The following RPS6KA5 variants were observed in gnomAD, a reference collection of about 807,000 sequenced individuals.
The protein encoded by RPS6KA5 is ribosomal protein S6 kinase alpha-5.
A neutral mutation model predicts 85.5 loss-of-function variants in RPS6KA5; 27 were observed. That is an observed-to-expected ratio of 0.32 (90% CI 0.23 to 0.44). RPS6KA5 has a LOEUF of 0.44. Ranked by LOEUF, RPS6KA5 falls within the 20% of genes least tolerant of loss-of-function variation. The pLI, the probability that RPS6KA5 is intolerant of heterozygous loss-of-function variation, is 1.00. For missense variants in RPS6KA5, 811 were observed against 980.9 expected, an observed-to-expected ratio of 0.83 and a Z score of 2.31; for synonymous variants, 334 against 348.2, an observed-to-expected ratio of 0.96 and a Z score of 0.46.
intron 2 of RPS6KA5, among the ~76,000 whole-genome samples, chr14:90,982,394 T>C (rs978106791): frequency 3.3e-5 from 5 of 152,106 alleles, no homozygotes; most frequent in African/African-American, 1.2e-4. Context: ...GCTAGAAGTT[T>C]GAGACAGCAG....
In RPS6KA5 at chr14:90,854,433, C is replaced by T. The variant is rs1456601873; in HGVS notation, c.*17641G>A. The T allele has an allele frequency of 2.0e-5, 3 of 152,056 alleles. No homozygotes were observed. 9.4% of individuals were successfully genotyped at this position (152,056 alleles called of 1,614,324 possible). A position where few individuals can be genotyped will look rare whatever the true frequency, so the allele number is the denominator to read the frequency against. On this transcript the variant is annotated 3_prime_UTR_variant, in exon 17 of 17. Coordinates refer to ENST00000614987, the MANE Select transcript of RPS6KA5 (RefSeq NM_004755.4). The stretch of plus-strand genomic sequence containing the variant: ...TCACAAATTTTTATTTTAGATTTCA[C>T]AATGTACACTTGTCTCAAGTAAGTC...
At chr14:90,966,457 T>C (rs1172956700) in intron 3 of RPS6KA5, among the ~76,000 whole-genome samples, 1 of 152,214 alleles carries the variant, frequency 6.6e-6, no homozygotes, top group Middle Eastern at 3.4e-3. Flanking sequence ...GATGTTTGAG[T>C]AGGGGGAAGA....
chr14:91,021,504 G>A (rs2041781672), intron 1 of RPS6KA5, among the ~76,000 whole-genome samples: 1 of 152,084 alleles, frequency 6.6e-6, no homozygotes, highest in Non-Finnish European at 1.5e-5. Flanking sequence ...AGCCAGGCAT[G>A]GTGGTTCTCG....
rs760013651 is a variant in RPS6KA5, at chr14:91,021,842, A to G, written c.104-20683T>C. On this transcript the variant is annotated intron_variant, in intron 1 of 16. Transcript: ENST00000614987. ...TTTTCTTTCTCTCTTTCTATTTTTGAGAACTTCATTTGTTCTCTTACAAGT... is the reference window on the plus strand; with the variant it reads ...TTTTCTTTCTCTCTTTCTATTTTTGGGAACTTCATTTGTTCTCTTACAAGT... Among the ~76,000 whole-genome samples the G allele has an allele frequency of 1.8e-4, 28 of 151,980 alleles. 1 individual carries two copies. The highest frequency in any genetic ancestry group is 3.1e-4 in the Non-Finnish European group (21 of 67,996).
chr14:90,911,758 A>G (rs895101284), intron 7 of RPS6KA5, among the ~76,000 whole-genome samples: 3 of 152,272 alleles, frequency 2.0e-5, no homozygotes, highest in African/African-American at 7.2e-5. Flanking sequence ...ACAACATTAT[A>G]CAAGTAAAAA....
chr14:90,887,795 TAA>T (rs34873992), intron 14 of RPS6KA5, among the ~76,000 whole-genome samples: 4 of 139,748 alleles, frequency 2.9e-5, no homozygotes, highest in Admixed American at 7.2e-5. Context: ...CTTTTCTATT[TAA>T]AAAAAAAAAA....
chr14:90,887,578 A>G (rs540156791), intron 14 of RPS6KA5, among the ~76,000 whole-genome samples: 1 of 152,230 alleles, frequency 6.6e-6, no homozygotes, highest in Admixed American at 6.5e-5. Flanking sequence ...CATCTAATCA[A>G]TATTCAAATT....
chr14:90,964,946 AAAACAAAC>A (rs10603150), intron 3 of RPS6KA5, among the ~76,000 whole-genome samples: 15 of 149,348 alleles, frequency 1.0e-4, no homozygotes, highest in Non-Finnish European at 1.9e-4. Flanking sequence ...CCAAAAAACC[AAAACAAAC>A]AAACAAACAA....
chr14:90,942,767 T>C (rs2037641215), intron 5 of RPS6KA5, among the ~76,000 whole-genome samples: 1 of 152,340 alleles, frequency 6.6e-6, no homozygotes, highest in South Asian at 2.1e-4. Flanking sequence ...ATAATTCTCC[T>C]GAAGGGCCAA....
chr14:90,904,712 T>C (rs924757571), intron 8 of RPS6KA5, among the ~76,000 whole-genome samples: 1 of 152,158 alleles, frequency 6.6e-6, no homozygotes, highest in South Asian at 2.1e-4. Flanking sequence ...CTCCGCTCCA[T>C]TTATAGAGAA....
At chr14:90,917,663 T>A (rs1279673774) in intron 7 of RPS6KA5, among the ~76,000 whole-genome samples, 1 of 152,228 alleles carries the variant, frequency 6.6e-6, no homozygotes, top group Non-Finnish European at 1.5e-5. Context: ...ATTCTATATT[T>A]TCTCGCTTCT....
chr14:90,901,909 C>T (rs191875807), intron 9 of RPS6KA5, among the ~76,000 whole-genome samples: 53 of 152,240 alleles, frequency 3.5e-4, no homozygotes, highest in African/African-American at 1.2e-3. Flanking sequence ...TTGAGGGGCA[C>T]GGTGGCTCAT....
intron 5 of RPS6KA5, among the ~76,000 whole-genome samples, chr14:90,930,885 A>G (rs28884587): frequency 0.013 from 2,010 of 152,340 alleles, 57 homozygotes; most frequent in African/African-American, 0.046. Flanking sequence ...AAACACCAAC[A>G]TAACAAGTGT....
intron 14 of RPS6KA5, among the ~76,000 whole-genome samples, chr14:90,886,071 T>C (rs756193829): frequency 5.9e-5 from 9 of 151,994 alleles, no homozygotes; most frequent in Admixed American, 2.0e-4. Context: ...GCTCTATCTC[T>C]ACATAAAGAT....
At chr14:91,030,859 TGTAAA>T (rs776246774) in intron 1 of RPS6KA5, among the ~76,000 whole-genome samples, 5 of 151,582 alleles carry the variant, frequency 3.3e-5, no homozygotes. Context: ...AGAGACCAAA[TGTAAA>T]GTAAAGATGC....
At position 90,973,994 on chromosome 14, in the gene RPS6KA5, C is replaced by T. The variant is rs561139197; in HGVS notation, c.394+4312G>A. Among the ~76,000 whole-genome samples the T allele has an allele frequency of 1.7e-4, 21 of 127,258 alleles. No homozygotes were observed. The South Asian group carries it at 4.4e-3, about 27-fold the overall frequency. 83.5% of individuals were successfully genotyped at this position (127,258 alleles called of 152,430 possible). On this transcript the variant is annotated intron_variant, in intron 3 of 16. Coordinates refer to ENST00000614987, the MANE Select transcript of RPS6KA5 (RefSeq NM_004755.4). ...TGGAGGCTGCAGTGGGCCAAGATTG[C>T]ACCACTGCACTACAGTCAAGGTGAC...
At chr14:91,029,996 A>C (rs189254251) in intron 1 of RPS6KA5, among the ~76,000 whole-genome samples, 36 of 152,304 alleles carry the variant, frequency 2.4e-4, no homozygotes, top group Non-Finnish European at 4.4e-4. Context: ...AAACATTTGA[A>C]AGAAAGGTAA....
At chr14:91,015,446 TTTA>T (rs1210059727) in intron 1 of RPS6KA5, among the ~76,000 whole-genome samples, 1 of 151,160 alleles carries the variant, frequency 6.6e-6, no homozygotes, top group Non-Finnish European at 1.5e-5. Context: ...ATTTATTTTG[TTTA>T]TTATGTTTTG....
Position 90,978,530 on chromosome 14 carries a change from A to G in RPS6KA5, c.176-6T>C. The G allele has an allele frequency of 6.4e-7, 1 of 1,562,844 alleles. No individual in the cohort carries two copies. Among genetic ancestry groups the G allele is most frequent in the Non-Finnish European group, 8.7e-7 (1 of 1,153,494 alleles). ...TAGAAATACTTTTCCATAAGCTGAA[A>G]ATGAAAAGAAAAAATAAAAAGAATT... On this transcript the variant is annotated splice_polypyrimidine_tract_variant and splice_region_variant and intron_variant, in intron 2 of 16. Transcript: ENST00000614987.
Sources: gnomAD v4.1 joint callset for allele counts (sites outside exome capture counted in the v4.1 genomes callset) on GRCh38, gnomAD v4.1.1 for gene constraint, MANE v1.5 for transcripts, NCBI Gene and HGNC (gene_info 2026-07-23, HGNC 2026-07-21) for gene names.